Variants in TAF4 observed in about 807,000 individuals in gnomAD.
TAF4 encodes transcription initiation factor TFIID subunit 4.
Under a neutral mutation model 90.3 loss-of-function variants are expected in TAF4, and 9 were observed. The ratio of observed to expected loss-of-function variants is 0.10; its 90% CI spans 0.06 to 0.17. The LOEUF (loss-of-function observed/expected upper bound fraction) is 0.17. Ranked by LOEUF, TAF4 falls within the 10% of genes least tolerant of loss-of-function variation. The pLI is 1.00. For missense variants in TAF4, 1,351 were observed against 1,370.7 expected (o/e 0.99, Z 0.23); for synonymous variants, 818 against 638.9 (o/e 1.28, Z -4.23).
intron 1 of TAF4, among the ~76,000 whole-genome samples, chr20:62,024,338 G>A (rs957364443): frequency 2.0e-5 from 3 of 152,200 alleles, no homozygotes; most frequent in African/African-American, 7.2e-5. Context: ...GAAAACAGGA[G>A]AACATTTCTC....
At chr20:62,021,478 A>C (rs1179610467) in intron 1 of TAF4, among the ~76,000 whole-genome samples, 1 of 152,266 alleles carries the variant, frequency 6.6e-6, no homozygotes, top group Non-Finnish European at 1.5e-5. Context: ...AGGGAGCAGA[A>C]GCAGCACAGC....
intron 12 of TAF4, 104 bp downstream of exon 12, chr20:61,998,878 CA>C (rs1208699924): frequency 3.4e-6 from 5 of 1,486,514 alleles, no homozygotes; most frequent in Non-Finnish European, 4.5e-6. Flanking sequence ...AAGGCCAGCC[CA>C]AAACATGCTC....
chr20:62,053,281 C>T (rs1478415907), intron 1 of TAF4, among the ~76,000 whole-genome samples: 1 of 151,996 alleles, frequency 6.6e-6, no homozygotes, highest in African/African-American at 2.4e-5. Context: ...GCCACGGCGG[C>T]CCTGAGTGCA....
At chr20:62,027,266 A>G (rs1600850528) in intron 1 of TAF4, among the ~76,000 whole-genome samples, 1 of 152,272 alleles carries the variant, frequency 6.6e-6, no homozygotes, top group South Asian at 2.1e-4. Flanking sequence ...AGCGTCGTCA[A>G]AAGAGCAAGG....
intron 14 of TAF4, chr20:61,979,384 G>A (rs1380813225): frequency 6.5e-6 from 1 of 152,886 alleles, no homozygotes; most frequent in Non-Finnish European, 1.5e-5. Flanking sequence ...CCAGGGTCAA[G>A]GCACCCATGG....
At chr20:61,998,274 A>G (rs2055675969) in intron 12 of TAF4, 82 bp from the exon 13 acceptor site, 3 of 1,395,898 alleles carry the variant, frequency 2.1e-6, no homozygotes, top group Admixed American at 2.1e-5. Flanking sequence ...CTTATTTACT[A>G]TACAATAACA....
intron 14 of TAF4, among the ~76,000 whole-genome samples, chr20:61,994,708 T>C (rs1346743364): frequency 6.6e-6 from 1 of 152,130 alleles, no homozygotes; most frequent in Non-Finnish European, 1.5e-5. Flanking sequence ...GGGAGCTCTG[T>C]CCTCATCAGG....
At chr20:62,059,617 T>G (rs1390745586) in intron 1 of TAF4, among the ~76,000 whole-genome samples, 3 of 152,304 alleles carry the variant, frequency 2.0e-5, no homozygotes, top group African/African-American at 7.2e-5. Flanking sequence ...CCCCCTTTAT[T>G]TAACTGCTTT....
intron 1 of TAF4, among the ~76,000 whole-genome samples, chr20:62,029,486 G>A (rs6089618): frequency 0.46 from 66,687 of 145,914 alleles, 15,303 homozygotes; most frequent in Non-Finnish European, 0.51. Flanking sequence ...GCGCGCGCGC[G>A]CACACACACA....
chr20:62,034,382 G>A (rs1174743890), intron 1 of TAF4, among the ~76,000 whole-genome samples: 2 of 152,138 alleles, frequency 1.3e-5, no homozygotes, highest in African/African-American at 2.4e-5. Context: ...AGTGTGCAGT[G>A]GCACAATCAT....
At chr20:62,031,914 C>T (rs1031134905) in intron 1 of TAF4, among the ~76,000 whole-genome samples, 8 of 152,116 alleles carry the variant, frequency 5.3e-5, no homozygotes, top group Non-Finnish European at 1.2e-4. Context: ...CACCGAGACA[C>T]GGAACGCACA....
At chr20:62,051,097 A>C (rs1178207030) in intron 1 of TAF4, among the ~76,000 whole-genome samples, 2 of 152,224 alleles carry the variant, frequency 1.3e-5, no homozygotes, top group Non-Finnish European at 1.5e-5. Flanking sequence ...ATCACGTCCA[A>C]AATGAACCTC....
In TAF4 at chr20:61,999,088, C is replaced by T; in HGVS notation, c.2808G>A (p.Gln936=). ...FSYKDDDRYE[Q]ASDVRAQLKF... ...TGAGCTGTGCCCGGACGTCACTCGC[C>T]TGCTCATATCTGTCGTCATCCTATG... Residue 936 remains glutamine, a synonymous_variant, in exon 12 of 15, where the codon CAG becomes CAA. Transcript: ENST00000252996. The T allele has an allele frequency of 6.2e-7, 1 of 1,614,122 alleles. No individual in the cohort carries two copies. The highest frequency in any genetic ancestry group is 1.1e-5 in the South Asian group (1 of 91,080).
chr20:62,008,396 G>A (rs1179682568), intron 5 of TAF4, among the ~76,000 whole-genome samples: 2 of 152,216 alleles, frequency 1.3e-5, no homozygotes, highest in Non-Finnish European at 2.9e-5. Context: ...CCATGAGGCT[G>A]AGGAAGGTGG....
chr20:61,985,557 T>C (rs2055583226), intron 14 of TAF4, among the ~76,000 whole-genome samples: 1 of 151,970 alleles, frequency 6.6e-6, no homozygotes, highest in Non-Finnish European at 1.5e-5. Context: ...ACACTCCAGG[T>C]AGTTAGCACG....
intron 1 of TAF4, among the ~76,000 whole-genome samples, chr20:62,050,631 TGCA>T (rs2056021537): frequency 1.3e-5 from 2 of 152,056 alleles, no homozygotes; most frequent in African/African-American, 4.8e-5. Context: ...ATAAACCCAG[TGCA>T]GGCTCCATGA....
At chr20:62,034,890 G>A (rs1291019314) in intron 1 of TAF4, among the ~76,000 whole-genome samples, 2 of 148,088 alleles carry the variant, frequency 1.4e-5, no homozygotes, top group South Asian at 4.3e-4. Flanking sequence ...GCGCAATCTC[G>A]GCTCACTGCA....
Position 62,010,283 on chromosome 20 carries a change from G to A in TAF4, c.1642-118C>T. On this transcript the variant is annotated intron_variant, in intron 3 of 14. Transcript: ENST00000252996. The surrounding 1 kb of genome is among the most constrained non-coding windows in gnomAD (Gnocchi z 4.5). ...CTCCCTGCGGTGGCCAGGACGCCCAGGAAGCCAAGGACCCCGGCCACCTGC... is the reference window on the plus strand; with the variant it reads ...CTCCCTGCGGTGGCCAGGACGCCCAAGAAGCCAAGGACCCCGGCCACCTGC... 2 of 1,478,108 alleles carry A rather than the reference G, an allele frequency of 1.4e-6. No homozygotes were observed. Among genetic ancestry groups the A allele is most frequent in the Non-Finnish European group, 1.8e-6 (2 of 1,093,700 alleles). 91.6% of individuals were successfully genotyped at this position (1,478,108 alleles called of 1,614,324 possible).
At chr20:61,990,114 T>A (rs1240778530) in intron 14 of TAF4, among the ~76,000 whole-genome samples, 2 of 152,190 alleles carry the variant, frequency 1.3e-5, no homozygotes, top group African/African-American at 4.8e-5. Flanking sequence ...CCAGGAGGGC[T>A]GCCTAGTAGC....
Sources: allele counts gnomAD v4.1 joint callset (sites outside exome capture counted in the v4.1 genomes callset), GRCh38; gene constraint gnomAD v4.1.1; non-coding constraint Gnocchi (gnomAD v3.1); transcripts MANE v1.5; gene names NCBI Gene and HGNC (gene_info 2026-07-23, HGNC 2026-07-21).